HTRA1: variants seen among roughly 807,000 people sequenced by gnomAD.
The protein encoded by HTRA1 is HtrA serine peptidase 1, also known as serine protease HTRA1.
Under a neutral mutation model 49.7 loss-of-function variants are expected in HTRA1, and 26 were observed. The ratio of observed to expected loss-of-function variants is 0.52; its 90% CI spans 0.38 to 0.73. The LOEUF is 0.73. HTRA1 is among the 30% of genes least tolerant of loss of function. HTRA1 has a pLI of 0.00. For missense variants in HTRA1, 561 were observed against 667.2 expected, an observed-to-expected ratio of 0.84 and a Z score of 1.75; for synonymous variants, 291 against 286.9, an observed-to-expected ratio of 1.01 and a Z score of -0.14.
chr10:122,483,901 T>C (rs552795684), intron 1 of HTRA1, among the ~76,000 whole-genome samples: 1 of 152,250 alleles, frequency 6.6e-6, no homozygotes, highest in Non-Finnish European at 1.5e-5. Context: ...TGAAATTATT[T>C]ATTGACCTCT....
intron 2 of HTRA1, 131 bp from the exon 3 acceptor site, chr10:122,489,291 A>T: frequency 2.2e-6 from 2 of 924,112 alleles, no homozygotes; most frequent in Non-Finnish European, 3.5e-6. Context: ...TTTAGTGTTT[A>T]AATGCTAAGC....
Position 122,494,647 on chromosome 10 carries a change from A to C in HTRA1, c.777+5021A>C, listed in dbSNP as rs1591035021. Among the ~76,000 whole-genome samples, 2 of 150,846 alleles carry C rather than the reference A, an allele frequency of 1.3e-5. No homozygotes were observed. Among genetic ancestry groups the C allele is most frequent in the East Asian group, 2.0e-4 (1 of 5,070 alleles). On this transcript the variant is annotated intron_variant, in intron 3 of 8. Transcript: ENST00000368984. The surrounding 1 kb of genome is among the most constrained non-coding windows in gnomAD (Gnocchi z 4.0). ...CCTCCCTCCCCTGTAGGCCTGCGCC[A>C]CCCCCCCAACCCCACGGCCACCTTT...
chr10:122,511,871 A>G (rs1244057637), intron 7 of HTRA1, 99 bp from the exon 8 acceptor site: 1 of 827,408 alleles, frequency 1.2e-6, no homozygotes, highest in Non-Finnish European at 2.1e-6. Flanking sequence ...ATTTTACCTT[A>G]GACCTAAGGA....
At chr10:122,481,776 T>C (rs1275477304) in intron 1 of HTRA1, among the ~76,000 whole-genome samples, 1 of 152,206 alleles carries the variant, frequency 6.6e-6, no homozygotes, top group African/African-American at 2.4e-5. Context: ...TTTCCCGCAC[T>C]GTTCTCATGA....
rs780767664 is a variant in HTRA1 at position 122,514,242 on chromosome 10, G to A, written c.1326G>A (p.Val442=). 40 of 1,613,910 alleles carry A rather than the reference G, an allele frequency of 2.5e-5. No homozygotes were observed. Among genetic ancestry groups the A allele is most frequent in the Non-Finnish European group, 3.2e-5 (38 of 1,179,998 alleles). ...DVIISINGQS[V]VSANDVSDVI... ...TAATCAGCATCAATGGACAGTCCGT[G>A]GTCTCCGCCAATGATGTCAGCGACG... The change falls in exon 9 of 9, where the codon GTG becomes GTA. Residue 442 remains valine, a synonymous_variant. Coordinates refer to ENST00000368984, the MANE Select transcript of HTRA1 (RefSeq NM_002775.5).
In HTRA1 at chr10:122,506,873, C is replaced by A; in HGVS notation, c.960C>A (p.Asp320Glu). Reference protein sequence around the residue: ...RNSDMDYIQTDAIINYGNSGG... With the variant: ...RNSDMDYIQTEAIINYGNSGG... Reference sequence around the variant, plus strand: ...CAGACATGGACTACATCCAGACCGACGCCATCATCAACGTGAGCCTCTGTC... The same window carrying A: ...CAGACATGGACTACATCCAGACCGAAGCCATCATCAACGTGAGCCTCTGTC... The change falls in exon 4 of 9, where the codon GAC (aspartate) becomes GAA (glutamate). Residue 320 changes from aspartate to glutamate, a missense_variant. Around this residue, in one of 3 missense-constraint regions of HTRA1, gnomAD observed 271 missense variants for 410.0 expected, o/e 0.66. Coordinates refer to ENST00000368984, the MANE Select transcript of HTRA1 (RefSeq NM_002775.5). This position sits in a 1 kb window ranked among gnomAD's most constrained non-coding sequence, Gnocchi z 5.2. The A allele has an allele frequency of 6.2e-7, 1 of 1,613,546 alleles. No individual in the cohort carries two copies. Among genetic ancestry groups the A allele is most frequent in the Non-Finnish European group, 8.5e-7 (1 of 1,179,964 alleles).
At chr10:122,467,664 A>T (rs984789926) in intron 1 of HTRA1, among the ~76,000 whole-genome samples, 16 of 152,014 alleles carry the variant, frequency 1.1e-4, no homozygotes, top group Non-Finnish European at 2.1e-4. Flanking sequence ...ATGAGCTTCC[A>T]CGAGACTCAT....
At chr10:122,479,262 C>G (rs141516449) in intron 1 of HTRA1, among the ~76,000 whole-genome samples, 1 of 152,002 alleles carries the variant, frequency 6.6e-6, no homozygotes, top group South Asian at 2.1e-4. Flanking sequence ...GTGTGGGCTG[C>G]GGGGGGCTGG....
intron 3 of HTRA1, among the ~76,000 whole-genome samples, chr10:122,503,534 G>C (rs1359979732): frequency 6.6e-6 from 1 of 152,192 alleles, no homozygotes; most frequent in Admixed American, 6.5e-5. Context: ...TCATTCCCTT[G>C]CAAAGATTTC....
chr10:122,496,258 T>TTTTTTTTTTTTTTTTTTTTTTTTTTG (rs1565427230), intron 3 of HTRA1, among the ~76,000 whole-genome samples: 1 of 132,508 alleles, frequency 7.5e-6, no homozygotes, highest in African/African-American at 2.8e-5. Context: ...TTTTTTTTTT[T>TTTTTTTTTTTTTTTTTTTTTTTTTTG]TGCAGAGATG....
chr10:122,476,622 C>T (rs947791463), intron 1 of HTRA1, among the ~76,000 whole-genome samples: 16 of 152,328 alleles, frequency 1.1e-4, no homozygotes, highest in African/African-American at 3.6e-4. Flanking sequence ...GCACTCGGTC[C>T]CAGTTGTCCT....
chr10:122,465,423 G>A (rs2097483392), intron 1 of HTRA1, among the ~76,000 whole-genome samples: 1 of 152,214 alleles, frequency 6.6e-6, no homozygotes, highest in African/African-American at 2.4e-5. Flanking sequence ...AGTGAGTGCT[G>A]TAGTCTTCCC....
At chr10:122,492,050 C>T (rs2097496108) in intron 3 of HTRA1, among the ~76,000 whole-genome samples, 1 of 152,002 alleles carries the variant, frequency 6.6e-6, no homozygotes, top group South Asian at 2.1e-4. Flanking sequence ...TTAGGGATAA[C>T]AAAGAGGATG....
At chr10:122,514,170 G>A (rs1251491775) in intron 8 of HTRA1, 21 bp from the exon 9 acceptor site, 3 of 1,612,250 alleles carry the variant, frequency 1.9e-6, no homozygotes, top group Non-Finnish European at 1.7e-6. Context: ...CATTGCCATT[G>A]TGTTTCCCTT....
Position 122,514,505 on chromosome 10 carries a change from C to A in HTRA1, c.*146C>A. On this transcript the variant is annotated 3_prime_UTR_variant, in exon 9 of 9. Coordinates refer to ENST00000368984, the MANE Select transcript of HTRA1 (RefSeq NM_002775.5). ...TGGAGACTCCCTGGCCAACAGAATC[C>A]TTCTTGATAGTTTGCAGGCAAAACA... 1 of 764,370 alleles carries A rather than the reference C, an allele frequency of 1.3e-6. No homozygotes were observed. Among genetic ancestry groups the A allele is most frequent in the Non-Finnish European group, 2.3e-6 (1 of 443,126 alleles). The allele number at this position is 764,370 out of a possible 1,614,324, so 47.3% of individuals were successfully genotyped here.
At chr10:122,489,046 C>A in intron 2 of HTRA1, 45 bp downstream of exon 2, 2 of 1,330,744 alleles carry the variant, frequency 1.5e-6, no homozygotes, top group South Asian at 1.2e-5. Context: ...AAGCTTTCAC[C>A]GCCACTAGCA....
chr10:122,479,324 A>G (rs1440474816), intron 1 of HTRA1, among the ~76,000 whole-genome samples: 1 of 152,142 alleles, frequency 6.6e-6, no homozygotes, highest in African/African-American at 2.4e-5. Context: ...TGGGAGCCAG[A>G]CAGATGGGGT....
rs571075181 is a variant in HTRA1, at chr10:122,494,943, A to C, written c.777+5317A>C. ...CCCTGCGCATGGTGAATCTTCCCTG[A>C]GTCAGCTGAGTGAGGGGGTTCAGGC... On this transcript the variant is annotated intron_variant, in intron 3 of 8. Coordinates refer to ENST00000368984, the MANE Select transcript of HTRA1 (RefSeq NM_002775.5). This position sits in a 1 kb window ranked among gnomAD's most constrained non-coding sequence, Gnocchi z 4.0. Among the ~76,000 whole-genome samples the C allele has an allele frequency of 2.8e-4, 42 of 152,126 alleles. No homozygotes were observed. Among genetic ancestry groups the C allele is most frequent in the African/African-American group, 9.9e-4 (41 of 41,498 alleles).
intron 1 of HTRA1, among the ~76,000 whole-genome samples, chr10:122,472,812 T>C (rs1004081401): frequency 6.6e-6 from 1 of 152,224 alleles, no homozygotes; most frequent in Non-Finnish European, 1.5e-5. Flanking sequence ...TTTTCATGTT[T>C]ATGGCTATTT....
Sources: gnomAD v4.1 joint callset for allele counts (sites outside exome capture counted in the v4.1 genomes callset) on GRCh38, gnomAD v4.1.1 for gene constraint, gnomAD v4.1.1 regional missense constraint, Gnocchi (gnomAD v3.1) non-coding constraint, MANE v1.5 for transcripts, NCBI Gene and HGNC (gene_info 2026-07-23, HGNC 2026-07-21) for gene names.